Variants in CYSLTR2 observed in about 807,000 individuals in gnomAD.
CYSLTR2 encodes G-protein coupled receptor GPCR21.
For synonymous variants in CYSLTR2, 179 were observed against 160.8 expected (o/e 1.11, Z -0.86); for missense variants, 398 against 411.9 (o/e 0.97, Z 0.29).
intron 4 of CYSLTR2, among the ~76,000 whole-genome samples, chr13:48,701,392 C>T (rs75566339): frequency 6.6e-6 from 1 of 152,184 alleles, no homozygotes; most frequent in Non-Finnish European, 1.5e-5. Flanking sequence ...AAAGGATTCC[C>T]TATTTAATAA....
chr13:48,673,950 C>T (rs1953523674), intron 1 of CYSLTR2, among the ~76,000 whole-genome samples: 1 of 152,122 alleles, frequency 6.6e-6, no homozygotes, highest in African/African-American at 2.4e-5. Flanking sequence ...AATATTGGCC[C>T]CCACTCTTTT....
chr13:48,656,489 A>T (rs1483804872), intron 1 of CYSLTR2, among the ~76,000 whole-genome samples: 1 of 152,176 alleles, frequency 6.6e-6, no homozygotes, highest in Non-Finnish European at 1.5e-5. Flanking sequence ...AATAAAAGAG[A>T]CTAAAAGGCA....
At chr13:48,658,727 G>A (rs1953057746) in intron 1 of CYSLTR2, among the ~76,000 whole-genome samples, 1 of 152,174 alleles carries the variant, frequency 6.6e-6, no homozygotes. Context: ...AGAAGAAATG[G>A]GCAAGAGAGA....
intron 1 of CYSLTR2, among the ~76,000 whole-genome samples, chr13:48,688,883 A>G (rs1269920347): frequency 2.0e-5 from 3 of 152,186 alleles, no homozygotes; most frequent in Admixed American, 2.0e-4. Flanking sequence ...AACAGTGTAA[A>G]AGCATTCCTA....
chr13:48,657,430 G>A (rs1953025111), intron 1 of CYSLTR2, among the ~76,000 whole-genome samples: 1 of 151,872 alleles, frequency 6.6e-6, no homozygotes, highest in Non-Finnish European at 1.5e-5. Context: ...GTCCTTAACG[G>A]AGAGGTTTCA....
In CYSLTR2 at chr13:48,707,743, G is replaced by C; in HGVS notation, c.926G>C (p.Gly309Ala). 2 of 1,607,182 alleles carry C rather than the reference G, an allele frequency of 1.2e-6. No individual in the cohort carries two copies. Among genetic ancestry groups the C allele is most frequent in the Non-Finnish European group, 1.7e-6 (2 of 1,175,868 alleles). ...CFNPLLYYFA[G>A]ENFKDRLKSA... ...AATCCTCTGCTCTATTACTTTGCTG[G>C]GGAGAATTTTAAGGACAGACTAAAG... The change falls in exon 5 of 5, where the codon GGG becomes GCG. Residue 309 changes from glycine to alanine, a missense_variant. Transcript: ENST00000682523.
chr13:48,654,248 CCTTT>C (rs1280785969), intron 1 of CYSLTR2, among the ~76,000 whole-genome samples: 2 of 128,636 alleles, frequency 1.6e-5, no homozygotes, highest in Admixed American at 1.6e-4. Flanking sequence ...GGGGATCGTC[CCTTT>C]GTGTGTGTGT....
chr13:48,669,604 G>A (rs1341218124), intron 1 of CYSLTR2, among the ~76,000 whole-genome samples: 1 of 152,172 alleles, frequency 6.6e-6, no homozygotes, highest in East Asian at 1.9e-4. Context: ...CAAAGGACAT[G>A]AACTCATTAT....
At chr13:48,672,806 C>A (rs560508536) in intron 1 of CYSLTR2, among the ~76,000 whole-genome samples, 1 of 151,578 alleles carries the variant, frequency 6.6e-6, no homozygotes, top group African/African-American at 2.4e-5. Flanking sequence ...TTAGTAGAGG[C>A]GGGGTTTCAC....
Position 48,709,372 on chromosome 13 carries a change from AGTACCCT to A in CYSLTR2, c.*1515_*1521del. ...AGTCATCATACTAAACAAAAATCCC[AGTACCCT>A]TTCCTTATTTAGCTACCAGAATGAT... On this transcript the variant is annotated 3_prime_UTR_variant, in exon 5 of 5. Transcript: ENST00000682523. The A allele has an allele frequency of 6.0e-6, 1 of 167,220 alleles. No homozygotes were observed. Among genetic ancestry groups the A allele is most frequent in the African/African-American group, 2.4e-5 (1 of 41,590 alleles). The allele number at this position is 167,220 out of a possible 1,614,324, so 10.4% of individuals were successfully genotyped here.
chr13:48,686,738 C>G (rs559697138), intron 1 of CYSLTR2, among the ~76,000 whole-genome samples: 1 of 152,190 alleles, frequency 6.6e-6, no homozygotes, highest in Admixed American at 6.5e-5. Context: ...CTTTGCCTTA[C>G]AAATTTAAGT....
chr13:48,699,482 A>C (rs1954284173), intron 4 of CYSLTR2, among the ~76,000 whole-genome samples: 1 of 152,240 alleles, frequency 6.6e-6, no homozygotes, highest in Non-Finnish European at 1.5e-5. Flanking sequence ...GAGAGCAAAG[A>C]CACAACACAC....
chr13:48,702,493 C>G (rs1239223105), intron 4 of CYSLTR2, among the ~76,000 whole-genome samples: 3 of 152,120 alleles, frequency 2.0e-5, no homozygotes, highest in African/African-American at 7.2e-5. Context: ...AGATTTAGTT[C>G]AAGGTTTGTT....
chr13:48,687,460 CCAT>C (rs1818167200), intron 1 of CYSLTR2, among the ~76,000 whole-genome samples: 1 of 151,864 alleles, frequency 6.6e-6, no homozygotes, highest in Admixed American at 6.6e-5. Flanking sequence ...TATCAATTAT[CCAT>C]CATCTATCAA....
At chr13:48,705,845 A>G (rs1222540494) in intron 4 of CYSLTR2, among the ~76,000 whole-genome samples, 1 of 151,588 alleles carries the variant, frequency 6.6e-6, no homozygotes, top group Non-Finnish European at 1.5e-5. Flanking sequence ...CTAAAAGGGA[A>G]GGACAGCCTA....
chr13:48,680,694 T>C (rs187458892), intron 1 of CYSLTR2, among the ~76,000 whole-genome samples: 123 of 152,296 alleles, frequency 8.1e-4, no homozygotes, highest in Middle Eastern at 3.4e-3. Flanking sequence ...AATTTGCGTC[T>C]TCATATATTT....
intron 1 of CYSLTR2, among the ~76,000 whole-genome samples, chr13:48,661,113 T>A (rs1476708771): frequency 6.6e-6 from 1 of 152,106 alleles, no homozygotes; most frequent in Non-Finnish European, 1.5e-5. Flanking sequence ...ATTAATCTTT[T>A]TTTTTAATTT....
intron 1 of CYSLTR2, among the ~76,000 whole-genome samples, chr13:48,685,269 AGAAC>A (rs1401110223): frequency 4.5e-4 from 28 of 62,706 alleles, no homozygotes; most frequent in Admixed American, 1.2e-3. Context: ...AACACTCACG[AGAAC>A]TCACTCACGA....
In CYSLTR2 at chr13:48,707,722, C is replaced by G; in HGVS notation, c.905C>G (p.Pro302Arg). 6.2e-7 allele frequency: 1 copy of G among 1,612,606 alleles called. No individual in the cohort carries two copies. Reference protein sequence around the residue: ...ALAAANACFNPLLYYFAGENF... With the variant: ...ALAAANACFNRLLYYFAGENF... Reference sequence around the variant, plus strand: ...GCAGCAGCCAATGCCTGCTTCAATCCTCTGCTCTATTACTTTGCTGGGGAG... The same window carrying G: ...GCAGCAGCCAATGCCTGCTTCAATCGTCTGCTCTATTACTTTGCTGGGGAG... Residue 302 changes from proline (P) to arginine (R), a missense_variant, in exon 5 of 5, where the codon CCT (proline) becomes CGT (arginine). Pro to Arg is a moderately radical substitution (Grantham distance 103). Coordinates refer to ENST00000682523, the MANE Select transcript of CYSLTR2 (RefSeq NM_001308476.3).
Sources: gnomAD v4.1 joint callset for allele counts (sites outside exome capture counted in the v4.1 genomes callset) on GRCh38, gnomAD v4.1.1 for gene constraint, MANE v1.5 for transcripts, NCBI Gene and HGNC (gene_info 2026-07-23, HGNC 2026-07-21) for gene names.